The following ST3GAL2 variants were observed in gnomAD, a reference collection of about 807,000 sequenced individuals.
The protein encoded by ST3GAL2 is ST3 beta-galactoside alpha-2,3-sialyltransferase 2, also known as CMP-N-acetylneuraminate-beta-galactosamide-alpha-2,3-sialyltransferase 2.
A neutral mutation model predicts 37.5 loss-of-function variants in ST3GAL2; 16 were observed. That is an observed-to-expected ratio of 0.43 (90% CI 0.29 to 0.65). The LOEUF (loss-of-function observed/expected upper bound fraction) is 0.65, where lower values mean the gene tolerates loss of function less well. ST3GAL2 is among the 30% of genes least tolerant of loss of function. ST3GAL2 has a pLI of 0.17. For missense variants in ST3GAL2, 383 were observed against 487.8 expected, an observed-to-expected ratio of 0.79 and a Z score of 2.02; for synonymous variants, 238 against 202.9, an observed-to-expected ratio of 1.17 and a Z score of -1.47.
chr16:70,395,989 G>C (rs1455905010), intron 2 of ST3GAL2, among the ~76,000 whole-genome samples: 1 of 124,936 alleles, frequency 8.0e-6, no homozygotes, highest in Non-Finnish European at 1.7e-5. Context: ...TTTTTTTTTT[G>C]AGATAGAGTT....
intron 1 of ST3GAL2, among the ~76,000 whole-genome samples, chr16:70,419,181 G>A (rs949750617): frequency 6.6e-6 from 1 of 152,206 alleles, no homozygotes; most frequent in South Asian, 2.1e-4. Flanking sequence ...ACCCCAGCAG[G>A]GGCTGATGGC....
intron 4 of ST3GAL2, among the ~76,000 whole-genome samples, chr16:70,383,584 G>C (rs764450861): frequency 1.3e-5 from 2 of 149,404 alleles, no homozygotes; most frequent in East Asian, 3.9e-4. Flanking sequence ...GGAAAGGAGA[G>C]GGGTGGGGAG....
At chr16:70,392,863 C>G (rs976045322) in intron 3 of ST3GAL2, among the ~76,000 whole-genome samples, 3 of 152,110 alleles carry the variant, frequency 2.0e-5, no homozygotes, top group Non-Finnish European at 4.4e-5. Flanking sequence ...TAGCTCACCA[C>G]AGCCTCAAAC....
intron 1 of ST3GAL2, among the ~76,000 whole-genome samples, chr16:70,431,045 T>C (rs764927500): frequency 2.0e-5 from 3 of 146,710 alleles, no homozygotes; most frequent in Admixed American, 6.9e-5. Flanking sequence ...TCTACTAATG[T>C]CCCTTGCAAA....
chr16:70,409,094 C>T (rs1403713025), intron 1 of ST3GAL2, among the ~76,000 whole-genome samples: 1 of 150,766 alleles, frequency 6.6e-6, no homozygotes, highest in Admixed American at 6.6e-5. Flanking sequence ...AGGGGGAAAT[C>T]CAGTATCTTG....
chr16:70,402,508 A>G (rs1274796509), intron 1 of ST3GAL2, among the ~76,000 whole-genome samples: 2 of 152,194 alleles, frequency 1.3e-5, no homozygotes, highest in East Asian at 3.9e-4. Flanking sequence ...GCCTCTCTAT[A>G]AAGATAATAA....
rs2047400049 is a variant in ST3GAL2 at position 70,381,173 on chromosome 16, T to C, written c.*516A>G. On this transcript the variant is annotated 3_prime_UTR_variant, in exon 7 of 7. Coordinates refer to ENST00000342907, the MANE Select transcript of ST3GAL2 (RefSeq NM_006927.4). ...GACTGGGGGTCCCGCAGCGACCGCT[T>C]TTCTTTGGTGGGTCTGCACGCACCT... 1 of 152,330 alleles carries C rather than the reference T, an allele frequency of 6.6e-6. No homozygotes were observed. Among genetic ancestry groups the C allele is most frequent in the Non-Finnish European group, 1.5e-5 (1 of 68,112 alleles). The allele number at this position is 152,330 out of a possible 1,614,324, so 9.4% of individuals were successfully genotyped here. A position where few individuals can be genotyped will look rare whatever the true frequency, so the allele number is the denominator to read the frequency against.
chr16:70,396,977 T>C (rs560579903), intron 2 of ST3GAL2, among the ~76,000 whole-genome samples: 1 of 146,988 alleles, frequency 6.8e-6, no homozygotes, highest in African/African-American at 2.5e-5. Context: ...TTTTTAACTC[T>C]AGAATCAGAC....
At chr16:70,426,194 T>TTG (rs2047749443) in intron 1 of ST3GAL2, among the ~76,000 whole-genome samples, 1 of 143,452 alleles carries the variant, frequency 7.0e-6, no homozygotes. Context: ...TTTTTTTTTT[T>TTG]TTTTTTTTTT....
chr16:70,387,406 T>C (rs549128353), intron 4 of ST3GAL2, among the ~76,000 whole-genome samples: 1 of 151,672 alleles, frequency 6.6e-6, no homozygotes, highest in East Asian at 2.0e-4. Flanking sequence ...AATACAAAAA[T>C]TAGCCAGGCA....
chr16:70,402,702 T>A (rs2047564415), intron 1 of ST3GAL2, among the ~76,000 whole-genome samples: 1 of 152,128 alleles, frequency 6.6e-6, no homozygotes, highest in African/African-American at 2.4e-5. Flanking sequence ...CAGGCTGGAG[T>A]GCAGTGGCGT....
intron 1 of ST3GAL2, among the ~76,000 whole-genome samples, chr16:70,417,425 T>G (rs1308959597): frequency 6.6e-6 from 1 of 151,630 alleles, no homozygotes; most frequent in African/African-American, 2.4e-5. Flanking sequence ...TCCTTGCCCC[T>G]AGACCCAGCA....
chr16:70,394,647 G>C (rs8046253), intron 3 of ST3GAL2, among the ~76,000 whole-genome samples: 13,241 of 152,222 alleles, frequency 0.087, 1,919 homozygotes, highest in African/African-American at 0.3. Flanking sequence ...CAAAGCGCTG[G>C]AATTACAGGT....
intron 2 of ST3GAL2, among the ~76,000 whole-genome samples, chr16:70,397,601 C>T (rs2047525625): frequency 6.6e-6 from 1 of 151,804 alleles, no homozygotes; most frequent in South Asian, 2.1e-4. Flanking sequence ...TGGTGCATGC[C>T]TATAATTCCA....
chr16:70,393,254 T>C (rs1397726647), intron 3 of ST3GAL2, among the ~76,000 whole-genome samples: 1 of 152,026 alleles, frequency 6.6e-6, no homozygotes, highest in Non-Finnish European at 1.5e-5. Flanking sequence ...ATTTTTGTAT[T>C]TTTAGTAGAG....
intron 1 of ST3GAL2, among the ~76,000 whole-genome samples, chr16:70,407,718 G>T (rs1347856063): frequency 6.6e-6 from 1 of 152,156 alleles, no homozygotes; most frequent in East Asian, 1.9e-4. Context: ...AAAAACAAAA[G>T]CACCTGATTG....
intron 1 of ST3GAL2, chr16:70,400,595 C>T (rs552576360): frequency 1.3e-5 from 2 of 152,298 alleles, no homozygotes; most frequent in Non-Finnish European, 2.9e-5. Flanking sequence ...AGCTGCCCCT[C>T]CATTTGTGGC....
intron 1 of ST3GAL2, among the ~76,000 whole-genome samples, chr16:70,405,780 G>A (rs1460991709): frequency 6.6e-6 from 1 of 151,926 alleles, no homozygotes; most frequent in African/African-American, 2.4e-5. Context: ...GCCACTGACA[G>A]CCAGGCGCGG....
At chr16:70,424,687 A>T (rs1488788375) in intron 1 of ST3GAL2, among the ~76,000 whole-genome samples, 1 of 152,210 alleles carries the variant, frequency 6.6e-6, no homozygotes, top group Non-Finnish European at 1.5e-5. Context: ...AGACTGTATC[A>T]TTTGAACTTC....
Sources: gnomAD v4.1 joint callset for allele counts (sites outside exome capture counted in the v4.1 genomes callset) on GRCh38, gnomAD v4.1.1 for gene constraint, MANE v1.5 for transcripts, NCBI Gene and HGNC (gene_info 2026-07-23, HGNC 2026-07-21) for gene names.